Variants in RB1CC1 observed in about 807,000 individuals in gnomAD.
RB1CC1 encodes RB1-inducible coiled-coil protein 1.
A neutral mutation model predicts 177.5 loss-of-function variants in RB1CC1; 46 were observed. That is an observed-to-expected ratio of 0.26 (90% CI 0.20 to 0.33). RB1CC1 has a LOEUF of 0.33. RB1CC1 is among the 10% of genes least tolerant of loss of function. The pLI is 1.00. For synonymous variants in RB1CC1, 666 were observed against 613.6 expected (o/e 1.09, Z -1.26); for missense variants, 1,703 against 1,816.3 (o/e 0.94, Z 1.13).
chr8:52,706,760 G>C (rs1164202624), intron 1 of RB1CC1, among the ~76,000 whole-genome samples: 1 of 151,244 alleles, frequency 6.6e-6, no homozygotes, highest in Non-Finnish European at 1.5e-5. Context: ...AAGAGAGAGA[G>C]AGATTCTCTC....
intron 6 of RB1CC1, among the ~76,000 whole-genome samples, chr8:52,675,764 G>GT (rs1272538411): frequency 1.3e-5 from 2 of 149,282 alleles, no homozygotes; most frequent in African/African-American, 4.9e-5. Flanking sequence ...GCGGGCACCT[G>GT]TAGTCCCAGC....
chr8:52,635,772 C>A (rs957056785), intron 19 of RB1CC1, among the ~76,000 whole-genome samples: 9 of 152,100 alleles, frequency 5.9e-5, no homozygotes, highest in Non-Finnish European at 8.8e-5. Context: ...TTTTTCCTCT[C>A]ATACAGACTT....
chr8:52,633,126 C>A (rs1240714770), intron 20 of RB1CC1, among the ~76,000 whole-genome samples: 1 of 152,154 alleles, frequency 6.6e-6, no homozygotes, highest in Non-Finnish European at 1.5e-5. Flanking sequence ...TGGTTGATAT[C>A]TCATGTTTCC....
intron 16 of RB1CC1, among the ~76,000 whole-genome samples, chr8:52,644,435 A>G (rs1376871428): frequency 6.6e-6 from 1 of 152,192 alleles, no homozygotes; most frequent in Non-Finnish European, 1.5e-5. Context: ...TGTGCTTATA[A>G]GAGAACACAC....
rs186624566 is a variant in RB1CC1 at position 52,703,271 on chromosome 8, A to G, written c.-167+10804T>C. On this transcript the variant is annotated intron_variant, in intron 1 of 23. Coordinates refer to ENST00000025008, the MANE Select transcript of RB1CC1 (RefSeq NM_014781.5). ...TCTAATTCAGATCTTCCTACTGCAT[A>G]TCGGGCTCTAACAATTACCTATCTG... is the stretch of plus-strand genomic sequence containing the variant. 2.6e-5 allele frequency among the ~76,000 whole-genome samples: 4 copies of G among 152,308 alleles called. No homozygotes were observed. The East Asian group carries it at 7.7e-4, about 29-fold the overall frequency.
chr8:52,675,890 A>G (rs1179198812), intron 6 of RB1CC1, among the ~76,000 whole-genome samples: 1 of 138,812 alleles, frequency 7.2e-6, no homozygotes, highest in African/African-American at 3.0e-5. Flanking sequence ...CCGTCTCAGA[A>G]AAAAAAAAAA....
intron 1 of RB1CC1, among the ~76,000 whole-genome samples, chr8:52,692,183 T>C (rs1200563636): frequency 6.6e-6 from 1 of 152,190 alleles, no homozygotes; most frequent in African/African-American, 2.4e-5. Context: ...AGAATCTAGT[T>C]AGGTACCAGG....
chr8:52,635,945 A>G, intron 19 of RB1CC1, 70 bp downstream of exon 19: 1 of 1,544,108 alleles, frequency 6.5e-7, no homozygotes, highest in Non-Finnish European at 8.8e-7. Flanking sequence ...GTATGTTTCC[A>G]GAATGAAGTT....
At chr8:52,628,305 T>C in intron 21 of RB1CC1, 137 bp from the exon 22 acceptor site, 1 of 878,386 alleles carries the variant, frequency 1.1e-6, no homozygotes, top group Non-Finnish European at 1.7e-6. Context: ...TACATGATAC[T>C]CTTTTTGCAT....
intron 1 of RB1CC1, among the ~76,000 whole-genome samples, chr8:52,711,846 G>A (rs1337259254): frequency 2.6e-5 from 4 of 152,104 alleles, no homozygotes; most frequent in African/African-American, 9.7e-5. Context: ...ATGTATATCA[G>A]AGCCTTTCCA....
At chr8:52,659,579 T>C (rs910479492) in intron 12 of RB1CC1, among the ~76,000 whole-genome samples, 34 of 152,284 alleles carry the variant, frequency 2.2e-4, no homozygotes, top group Middle Eastern at 3.4e-3. Flanking sequence ...GATGCCAAGA[T>C]GCTCTTCATA....
intron 1 of RB1CC1, among the ~76,000 whole-genome samples, chr8:52,702,083 C>T (rs1379854112): frequency 6.6e-6 from 1 of 152,152 alleles, no homozygotes; most frequent in Non-Finnish European, 1.5e-5. Context: ...GCTAGGATTA[C>T]AGGCGTGAGC....
At chr8:52,669,241 AG>A (rs879382068) in intron 7 of RB1CC1, among the ~76,000 whole-genome samples, 1 of 152,220 alleles carries the variant, frequency 6.6e-6, no homozygotes, top group Non-Finnish European at 1.5e-5. Flanking sequence ...AATATAATAA[AG>A]GCTTCATTGA....
intron 19 of RB1CC1, 52 bp downstream of exon 19, chr8:52,635,963 A>T: frequency 6.3e-7 from 1 of 1,587,490 alleles, no homozygotes; most frequent in East Asian, 2.3e-5. Flanking sequence ...GTTTAACTGT[A>T]TCCAAAAGTG....
chr8:52,658,795 G>A (rs112750817), intron 13 of RB1CC1, 78 bp downstream of exon 13: 66 of 952,512 alleles, frequency 6.9e-5, no homozygotes, highest in East Asian at 3.9e-4. Context: ...TAAGATTACT[G>A]GTACTACCTG....
chr8:52,653,840 T>G (rs1374587329), intron 15 of RB1CC1, among the ~76,000 whole-genome samples: 1 of 152,202 alleles, frequency 6.6e-6, no homozygotes, highest in Non-Finnish European at 1.5e-5. Context: ...TCAAAAAGTT[T>G]CAGATTTTGG....
intron 1 of RB1CC1, among the ~76,000 whole-genome samples, chr8:52,707,738 ACT>A (rs1322200175): frequency 6.6e-6 from 1 of 151,608 alleles, no homozygotes; most frequent in African/African-American, 2.4e-5. Flanking sequence ...TTACAGCTAC[ACT>A]CTCTTTGTCA....
intron 5 of RB1CC1, among the ~76,000 whole-genome samples, chr8:52,677,222 T>G (rs1426996210): frequency 2.0e-5 from 3 of 152,124 alleles, no homozygotes; most frequent in African/African-American, 7.2e-5. Flanking sequence ...TTAACTGGTA[T>G]GAGACAGATA....
chr8:52,677,927 G>A (rs1018439263), intron 5 of RB1CC1, among the ~76,000 whole-genome samples: 1 of 152,150 alleles, frequency 6.6e-6, no homozygotes, highest in African/African-American at 2.4e-5. Context: ...AGTTCTTGCA[G>A]CGCATGTAGA....
Sources: gnomAD v4.1 joint callset for allele counts (sites outside exome capture counted in the v4.1 genomes callset) on GRCh38, gnomAD v4.1.1 for gene constraint, MANE v1.5 for transcripts, NCBI Gene and HGNC (gene_info 2026-07-23, HGNC 2026-07-21) for gene names.